Variants in IGBP1C observed in about 807,000 individuals in gnomAD.
The protein encoded by IGBP1C is IGBP1 family member C, also known as immunoglobulin-binding protein 1 family member C.
At chr17:58,661,611 T>C in the IGBP1C span, 3 of 703,458 alleles carry the variant, frequency 4.3e-6, no homozygotes, top group Admixed American at 4.5e-5. Context: ...TTGGGAAGGC[T>C]GATGCGAAAT....
At chr17:58,687,911 C>T in the IGBP1C span, among the ~76,000 whole-genome samples, 59 of 152,234 alleles carry the variant, frequency 3.9e-4, no homozygotes, top group Middle Eastern at 3.4e-3. Flanking sequence ...ATTATAAGCT[C>T]CATGAGGGCA....
At chr17:58,671,124 T>C in the IGBP1C span, among the ~76,000 whole-genome samples, 1 of 152,200 alleles carries the variant, frequency 6.6e-6, no homozygotes, top group East Asian at 1.9e-4. Flanking sequence ...AGCTACATCC[T>C]GGGTAATTTT....
chr17:58,680,643 G>A, the IGBP1C span, among the ~76,000 whole-genome samples: 1 of 152,046 alleles, frequency 6.6e-6, no homozygotes, highest in African/African-American at 2.4e-5. Flanking sequence ...TCAAGAGGCA[G>A]GAGAACCTCT....
chr17:58,668,728 T>G, the IGBP1C span, among the ~76,000 whole-genome samples: 2 of 152,122 alleles, frequency 1.3e-5, no homozygotes, highest in Non-Finnish European at 2.9e-5. Flanking sequence ...AAGGGTGACA[T>G]CTACAGAAAA....
At chr17:58,676,334 G>C in the IGBP1C span, among the ~76,000 whole-genome samples, 2 of 150,956 alleles carry the variant, frequency 1.3e-5, no homozygotes, top group Non-Finnish European at 2.9e-5. Context: ...CAAGATCACA[G>C]CATTGCACTC....
the IGBP1C span, among the ~76,000 whole-genome samples, chr17:58,664,943 A>T: frequency 2.0e-5 from 3 of 152,148 alleles, no homozygotes; most frequent in Admixed American, 2.0e-4. Flanking sequence ...GGGCTGAAGT[A>T]TAAGTTTTCC....
chr17:58,675,857 C>T, the IGBP1C span, among the ~76,000 whole-genome samples: 14 of 152,144 alleles, frequency 9.2e-5, no homozygotes, highest in African/African-American at 2.7e-4. Context: ...TCCAAAGGTA[C>T]GGTGATTACA....
At chr17:58,665,862 G>A in the IGBP1C span, among the ~76,000 whole-genome samples, 26 of 151,878 alleles carry the variant, frequency 1.7e-4, no homozygotes, top group African/African-American at 5.8e-4. Context: ...CCTGACCAAC[G>A]TAGTGAAAAC....
chr17:58,681,262 A>G, the IGBP1C span, among the ~76,000 whole-genome samples: 9 of 152,114 alleles, frequency 5.9e-5, no homozygotes, highest in Non-Finnish European at 2.9e-5. Flanking sequence ...TCCATCTCTA[A>G]TGATAAATAA....
chr17:58,682,160 GCTGGGCTCAAACTC>G, the IGBP1C span, among the ~76,000 whole-genome samples: 1 of 152,164 alleles, frequency 6.6e-6, no homozygotes, highest in Admixed American at 6.5e-5. Context: ...TGTTGCCCAG[GCTGGGCTCAAACTC>G]CTGGGCTCAA....
At chr17:58,669,303 G>A in the IGBP1C span, among the ~76,000 whole-genome samples, 1 of 151,428 alleles carries the variant, frequency 6.6e-6, no homozygotes. Flanking sequence ...AGTGAGCCGA[G>A]ATCATGCCAC....
chr17:58,676,851 C>A, the IGBP1C span, among the ~76,000 whole-genome samples: 1 of 152,034 alleles, frequency 6.6e-6, no homozygotes, highest in Non-Finnish European at 1.5e-5. Context: ...AGCCAGCTGA[C>A]CAGGTGGGGT....
At chr17:58,666,445 A>T in the IGBP1C span, 1 of 148,074 alleles carries the variant, frequency 6.8e-6, no homozygotes, top group African/African-American at 2.5e-5. Context: ...AAAGTGAAAC[A>T]AACCTTCCAC....
chr17:58,680,801 C>T, the IGBP1C span, among the ~76,000 whole-genome samples: 1 of 152,118 alleles, frequency 6.6e-6, no homozygotes, highest in African/African-American at 2.4e-5. Context: ...CAGTGTTCTT[C>T]AATTGTCTTT....
chr17:58,664,880 G>C, the IGBP1C span, among the ~76,000 whole-genome samples: 4 of 152,264 alleles, frequency 2.6e-5, no homozygotes, highest in South Asian at 6.2e-4. Flanking sequence ...GTACGTAACA[G>C]ATAAGGCCAC....
chr17:58,661,654 G>C, the IGBP1C span: 2 of 638,964 alleles, frequency 3.1e-6, no homozygotes, highest in Non-Finnish European at 5.6e-6. Flanking sequence ...CACACGTAAA[G>C]ATTCTGGCGT....
At chr17:58,681,661 C>T in the IGBP1C span, among the ~76,000 whole-genome samples, 1 of 152,100 alleles carries the variant, frequency 6.6e-6, no homozygotes, top group African/African-American at 2.4e-5. Flanking sequence ...ACCAGCCTGG[C>T]AAACATGGTG....
chr17:58,664,074 A>G, the IGBP1C span, among the ~76,000 whole-genome samples: 4 of 151,876 alleles, frequency 2.6e-5, no homozygotes, highest in Non-Finnish European at 5.9e-5. Flanking sequence ...CAAAAACCCA[A>G]CTCCACACTA....
At chr17:58,686,379 T>C in the IGBP1C span, among the ~76,000 whole-genome samples, 2 of 152,030 alleles carry the variant, frequency 1.3e-5, no homozygotes, top group Non-Finnish European at 2.9e-5. Context: ...ATGTGGTTCA[T>C]GGAGGCAGGA....
Sources: allele counts gnomAD v4.1 joint callset (sites outside exome capture counted in the v4.1 genomes callset), GRCh38; gene constraint gnomAD v4.1.1; transcripts MANE v1.5; gene names NCBI Gene and HGNC (gene_info 2026-07-23, HGNC 2026-07-21).